DLG2: variants seen among roughly 807,000 people sequenced by gnomAD.
DLG2 encodes the protein discs large MAGUK scaffold protein 2.
DLG2 carries 45 observed loss-of-function variants against 132.5 expected under a neutral mutation model. The observed-to-expected ratio is 0.34, with a 90% CI of 0.27 to 0.44. The LOEUF (loss-of-function observed/expected upper bound fraction) is 0.44. Ranked by LOEUF, DLG2 falls within the 20% of genes least tolerant of loss-of-function variation. The probability of loss-of-function intolerance (pLI) is 1.00; values close to 1 mark genes in which losing one functional copy is unlikely to be tolerated. For synonymous variants in DLG2, 424 were observed against 419.6 expected, an observed-to-expected ratio of 1.01 and a Z score of -0.13; for missense variants, 1,045 against 1,196.9, an observed-to-expected ratio of 0.87 and a Z score of 1.87.
At chr11:84,063,925 G>C (rs1277114447) in intron 10 of DLG2, among the ~76,000 whole-genome samples, 1 of 145,688 alleles carries the variant, frequency 6.9e-6, no homozygotes, top group Non-Finnish European at 1.5e-5. Flanking sequence ...AGAACACATG[G>C]ACACAGGAAG....
At chr11:85,303,939 G>A (rs1004945459) in intron 3 of DLG2, among the ~76,000 whole-genome samples, 9 of 152,148 alleles carry the variant, frequency 5.9e-5, no homozygotes, top group Non-Finnish European at 1.2e-4. Flanking sequence ...CTCTAAATGT[G>A]TACTGGTCAA....
At chr11:84,299,367 T>C (rs1347336866) in intron 7 of DLG2, among the ~76,000 whole-genome samples, 1 of 152,180 alleles carries the variant, frequency 6.6e-6, no homozygotes, top group African/African-American at 2.4e-5. Flanking sequence ...GCAAACAGTT[T>C]ATGGGAATGA....
At chr11:85,303,274 T>C (rs1244212743) in intron 3 of DLG2, among the ~76,000 whole-genome samples, 10 of 152,200 alleles carry the variant, frequency 6.6e-5, no homozygotes, top group Non-Finnish European at 1.2e-4. Flanking sequence ...GAAAGTTATG[T>C]TTTCCAACCT....
intron 7 of DLG2, among the ~76,000 whole-genome samples, chr11:84,360,310 A>C (rs2098642442): frequency 2.0e-5 from 3 of 151,906 alleles, no homozygotes; most frequent in Non-Finnish European, 4.4e-5. Context: ...ATAGAAAAGA[A>C]AACTGGTTAA....
At chr11:85,127,452 C>T (rs927888071) in intron 5 of DLG2, among the ~76,000 whole-genome samples, 3 of 152,148 alleles carry the variant, frequency 2.0e-5, no homozygotes, top group Non-Finnish European at 2.9e-5. Context: ...TCCCTATCCT[C>T]ATTTCCATAG....
At chr11:84,842,964 C>T (rs2154010363) in intron 6 of DLG2, among the ~76,000 whole-genome samples, 1 of 152,012 alleles carries the variant, frequency 6.6e-6, no homozygotes, top group East Asian at 2.0e-4. Context: ...ATATTCCTAC[C>T]AGTTATCTTG....
chr11:85,561,193 AAAAT>A (rs1257109336), intron 3 of DLG2, among the ~76,000 whole-genome samples: 2 of 150,998 alleles, frequency 1.3e-5, no homozygotes. Flanking sequence ...CCATTTATAC[AAAAT>A]AAATAAATAA....
At chr11:85,433,413 G>C (rs923064051) in intron 3 of DLG2, among the ~76,000 whole-genome samples, 2 of 152,124 alleles carry the variant, frequency 1.3e-5, no homozygotes, top group Non-Finnish European at 2.9e-5. Context: ...CTGTATTCAA[G>C]AGACCCATTT....
rs1028385921 is a variant in DLG2 at position 83,902,201 on chromosome 11, C to T, written c.1497-27713G>A. On this transcript the variant is annotated intron_variant, in intron 15 of 27. Transcript: ENST00000376104. ...CTTTCTCAAACATCTCATGTTCTTT[C>T]ATGCCACTAGGCATTTATATATGGC... 1.3e-5 allele frequency among the ~76,000 whole-genome samples: 2 copies of T among 152,274 alleles called. 1 individual carries two copies. The highest frequency in any genetic ancestry group is 4.1e-4 in the South Asian group (2 of 4,832).
intron 6 of DLG2, among the ~76,000 whole-genome samples, chr11:84,816,357 A>G (rs2077083726): frequency 6.6e-6 from 1 of 151,980 alleles, no homozygotes; most frequent in African/African-American, 2.4e-5. Flanking sequence ...AATTTGTTAA[A>G]TACCTTCATC....
chr11:85,450,650 C>T (rs1410519758), intron 3 of DLG2, among the ~76,000 whole-genome samples: 1 of 152,130 alleles, frequency 6.6e-6, no homozygotes, highest in Non-Finnish European at 1.5e-5. Context: ...GGTAATGAAA[C>T]TCAGTTCACT....
chr11:84,992,876 A>G (rs2057276913), intron 6 of DLG2, among the ~76,000 whole-genome samples: 1 of 152,142 alleles, frequency 6.6e-6, no homozygotes, highest in Non-Finnish European at 1.5e-5. Flanking sequence ...GCAAATCCTC[A>G]AGGATCTAGA....
chr11:85,055,906 G>T (rs546783450), intron 6 of DLG2, among the ~76,000 whole-genome samples: 65 of 152,178 alleles, frequency 4.3e-4, no homozygotes, highest in African/African-American at 1.5e-3. Flanking sequence ...AATAGAACTT[G>T]CTCATAAAAA....
intron 6 of DLG2, among the ~76,000 whole-genome samples, chr11:85,060,798 A>C (rs1566761298): frequency 6.6e-6 from 1 of 151,764 alleles, no homozygotes; most frequent in Admixed American, 6.6e-5. Flanking sequence ...TCCCAGAAAC[A>C]GTGTATAAGG....
At position 85,551,218 on chromosome 11, in the gene DLG2, TTCAAAGGTC is replaced by T. The variant is rs1157741154; in HGVS notation, c.40+47430_40+47438del. On this transcript the variant is annotated intron_variant, in intron 3 of 27. Transcript: ENST00000376104. ...TATACTGAGTAGATAGTATACATAC[TTCAAAGGTC>T]AATTTGTATTAGGTGTAGAAATATG... 8.6e-3 allele frequency among the ~76,000 whole-genome samples: 1,307 copies of T among 152,316 alleles called. 11 individuals are homozygous for T. The highest frequency in any genetic ancestry group is 0.03 in the African/African-American group (1,232 of 41,554).
chr11:83,568,527 C>G (rs1306304657), intron 19 of DLG2, among the ~76,000 whole-genome samples: 3 of 151,914 alleles, frequency 2.0e-5, no homozygotes, highest in African/African-American at 4.8e-5. Flanking sequence ...TGAGATTGCC[C>G]TTAGAGATTA....
At position 84,370,255 on chromosome 11, in the gene DLG2, T is replaced by C. The variant is rs1209732946; in HGVS notation, c.520-118964A>G. Among the ~76,000 whole-genome samples the C allele has an allele frequency of 2.0e-5, 3 of 151,990 alleles. No individual in the cohort carries two copies. In the East Asian group the frequency reaches 5.8e-4, roughly 29 times the overall value. Reference sequence around the variant, plus strand: ...AAAAGTGGTATAGGGGGAAGTTGTATTTTTTTTCAACTTTATTAGGTACTT... The same window carrying C: ...AAAAGTGGTATAGGGGGAAGTTGTACTTTTTTTCAACTTTATTAGGTACTT... On this transcript the variant is annotated intron_variant, in intron 7 of 27. Coordinates refer to ENST00000376104, the MANE Select transcript of DLG2 (RefSeq NM_001142699.3).
intron 6 of DLG2, among the ~76,000 whole-genome samples, chr11:84,538,222 A>G (rs947020274): frequency 1.2e-4 from 18 of 152,212 alleles, no homozygotes; most frequent in Admixed American, 8.5e-4. Flanking sequence ...TAAAGAGGTA[A>G]AAGATATTCC....
intron 6 of DLG2, among the ~76,000 whole-genome samples, chr11:85,066,640 CA>C (rs747496311): frequency 1.3e-5 from 2 of 151,528 alleles, no homozygotes; most frequent in Non-Finnish European, 3.0e-5. Flanking sequence ...GTTCAACATA[CA>C]GAAATCAATA....
Sources: gnomAD v4.1 joint callset for allele counts (sites outside exome capture counted in the v4.1 genomes callset) on GRCh38, gnomAD v4.1.1 for gene constraint, MANE v1.5 for transcripts, NCBI Gene and HGNC (gene_info 2026-07-23, HGNC 2026-07-21) for gene names.